The following KIFAP3 variants were observed in gnomAD, a reference collection of about 807,000 sequenced individuals.
KIFAP3 encodes kinesin-associated protein 3.
Under a neutral mutation model 106.5 loss-of-function variants are expected in KIFAP3, and 68 were observed. The observed-to-expected ratio is 0.64, with a 90% CI of 0.53 to 0.78. The LOEUF (loss-of-function observed/expected upper bound fraction) is 0.78, where lower values mean the gene tolerates loss of function less well. KIFAP3 is among the 30% of genes least tolerant of loss of function. The pLI is 0.00. For synonymous variants in KIFAP3, 320 were observed against 311.5 expected, an observed-to-expected ratio of 1.03 and a Z score of -0.29; for missense variants, 780 against 941.8, an observed-to-expected ratio of 0.83 and a Z score of 2.25.
chr1:170,016,437 T>C (rs773785259), intron 10 of KIFAP3, 25 bp downstream of exon 10: 9 of 1,572,804 alleles, frequency 5.7e-6, no homozygotes, highest in Non-Finnish European at 6.9e-6. Flanking sequence ...CAGACAACAC[T>C]GTCATTAATT....
chr1:170,047,624 A>AAG (rs1670330927), intron 2 of KIFAP3, among the ~76,000 whole-genome samples: 2 of 147,598 alleles, frequency 1.4e-5, no homozygotes, highest in Non-Finnish European at 3.0e-5. Flanking sequence ...CTGTCTCAAA[A>AAG]AAAAAAAAAA....
intron 19 of KIFAP3, among the ~76,000 whole-genome samples, chr1:169,924,623 A>ACT (rs3068640): frequency 0.94 from 142,314 of 152,190 alleles, 66,628 homozygotes; most frequent in East Asian, 0.99. Flanking sequence ...GTTTCTTTAA[A>ACT]CTCTCATTTG....
At chr1:170,007,209 T>G (rs893432239) in intron 10 of KIFAP3, among the ~76,000 whole-genome samples, 3 of 150,584 alleles carry the variant, frequency 2.0e-5, no homozygotes, top group South Asian at 2.1e-4. Context: ...AGGTGAAGGG[T>G]GGGAGTGACA....
At chr1:169,939,028 T>C (rs1160756143) in intron 19 of KIFAP3, among the ~76,000 whole-genome samples, 1 of 152,180 alleles carries the variant, frequency 6.6e-6, no homozygotes, top group African/African-American at 2.4e-5. Flanking sequence ...GGTAAGAAAT[T>C]TGTATTTTAT....
intron 17 of KIFAP3, among the ~76,000 whole-genome samples, chr1:169,970,307 T>C (rs1402307045): frequency 6.6e-6 from 1 of 152,068 alleles, no homozygotes; most frequent in Non-Finnish European, 1.5e-5. Context: ...GACTGTATCA[T>C]GTAAACAAGT....
chr1:170,031,258 T>C (rs542125909), intron 8 of KIFAP3, among the ~76,000 whole-genome samples: 1 of 151,878 alleles, frequency 6.6e-6, no homozygotes, highest in Non-Finnish European at 1.5e-5. Context: ...AAATTGCTAC[T>C]AATCTTCACA....
intron 1 of KIFAP3, among the ~76,000 whole-genome samples, chr1:170,069,392 G>C (rs1671593911): frequency 6.6e-6 from 1 of 152,010 alleles, no homozygotes; most frequent in African/African-American, 2.4e-5. Flanking sequence ...ACCAAAGCAA[G>C]ACAAAGACAC....
intron 11 of KIFAP3, among the ~76,000 whole-genome samples, chr1:169,985,988 TAAAG>T (rs989766838): frequency 1.3e-5 from 2 of 151,856 alleles, no homozygotes; most frequent in African/African-American, 4.8e-5. Flanking sequence ...GTATAGTACA[TAAAG>T]AGAGTTTTTT....
Position 170,074,618 on chromosome 1 carries a change from A to G in KIFAP3, c.-151T>C. The G allele has an allele frequency of 6.6e-7, 1 of 1,505,722 alleles. No homozygotes were observed. The highest frequency in any genetic ancestry group is 2.5e-5 in the East Asian group (1 of 40,318). 93.3% of individuals were successfully genotyped at this position (1,505,722 alleles called of 1,614,324 possible). ...GGGCAGCAGCGGCGCTGTGGTTACC[A>G]CGGTGAAGCCTCCAGCTCCTCCCAC... is the stretch of plus-strand genomic sequence containing the variant. On this transcript the variant is annotated 5_prime_UTR_variant, in exon 1 of 20. Coordinates refer to ENST00000361580, the MANE Select transcript of KIFAP3 (RefSeq NM_014970.4).
rs976388397 is a variant in KIFAP3, at chr1:169,992,293, T to G, written c.1184-38A>C. 11 of 1,023,734 alleles carry G rather than the reference T, an allele frequency of 1.1e-5. No individual in the cohort carries two copies. In the East Asian group the frequency reaches 3.0e-4, roughly 28 times the overall value. The allele number at this position is 1,023,734 out of a possible 1,614,324, so 63.4% of individuals were successfully genotyped here. On this transcript the variant is annotated intron_variant, in intron 10 of 19. Coordinates refer to ENST00000361580, the MANE Select transcript of KIFAP3 (RefSeq NM_014970.4). ...CATCATGGTGATGATGCTATAAATA[T>G]ATATTTTTTATATAGCACACTCATG... is the stretch of plus-strand genomic sequence containing the variant.
At chr1:169,923,440 A>C (rs996941476) in intron 19 of KIFAP3, among the ~76,000 whole-genome samples, 1 of 152,222 alleles carries the variant, frequency 6.6e-6, no homozygotes, top group African/African-American at 2.4e-5. Flanking sequence ...GCTAACAAGT[A>C]ATCATGTATC....
chr1:170,066,967 A>G (rs998328679), intron 1 of KIFAP3, among the ~76,000 whole-genome samples: 8 of 152,210 alleles, frequency 5.3e-5, no homozygotes, highest in African/African-American at 1.4e-4. Context: ...ATATTCCTAT[A>G]TATGATACTC....
upstream of KIFAP3, chr1:170,074,855 C>T (rs928687318): frequency 1.5e-5 from 10 of 670,568 alleles, no homozygotes; most frequent in African/African-American, 1.9e-5. Context: ...CCGTAGTCAC[C>T]GCCCCCTTGA....
rs551979995 is a variant in KIFAP3 at position 169,966,512 on chromosome 1, A to G, written c.1984-5277T>C. Among the ~76,000 whole-genome samples, 11 of 151,598 alleles carry G rather than the reference A, an allele frequency of 7.3e-5. No homozygotes were observed. The East Asian group carries it at 2.1e-3, about 29-fold the overall frequency. On this transcript the variant is annotated intron_variant, in intron 17 of 19. Transcript: ENST00000361580. ...TTGGCTTAACAGTATGAAAGCCTTAAAAGTTTTTCCATTTAAAGTCTTAAA... is the reference window on the plus strand; with the variant it reads ...TTGGCTTAACAGTATGAAAGCCTTAGAAGTTTTTCCATTTAAAGTCTTAAA...
At chr1:170,017,751 A>C (rs990400602) in intron 9 of KIFAP3, among the ~76,000 whole-genome samples, 3 of 152,230 alleles carry the variant, frequency 2.0e-5, no homozygotes, top group African/African-American at 7.2e-5. Context: ...CTTGACACTA[A>C]CTAAACACCA....
chr1:169,968,658 A>C (rs1665753768), intron 17 of KIFAP3, among the ~76,000 whole-genome samples: 1 of 151,920 alleles, frequency 6.6e-6, no homozygotes, highest in South Asian at 2.1e-4. Context: ...ATACATAATA[A>C]AGTTGATTTT....
chr1:170,009,002 G>A (rs1195980008), intron 10 of KIFAP3, among the ~76,000 whole-genome samples: 1 of 152,094 alleles, frequency 6.6e-6, no homozygotes, highest in African/African-American at 2.4e-5. Flanking sequence ...ATCATTCTCA[G>A]CAAACTAACA....
chr1:169,998,506 A>G (rs1667501282), intron 10 of KIFAP3, among the ~76,000 whole-genome samples: 1 of 151,838 alleles, frequency 6.6e-6, no homozygotes, highest in African/African-American at 2.4e-5. Context: ...AAGGGACTAT[A>G]ATATTCTAAC....
At chr1:170,049,249 G>C (rs1670447506) in intron 2 of KIFAP3, among the ~76,000 whole-genome samples, 1 of 152,200 alleles carries the variant, frequency 6.6e-6, no homozygotes, top group Non-Finnish European at 1.5e-5. Context: ...TGGCAAAGTG[G>C]CTGAGGCCAG....
Sources: gnomAD v4.1 joint callset for allele counts (sites outside exome capture counted in the v4.1 genomes callset) on GRCh38, gnomAD v4.1.1 for gene constraint, MANE v1.5 for transcripts, NCBI Gene and HGNC (gene_info 2026-07-23, HGNC 2026-07-21) for gene names.